Variants in EIF2AK3 observed in about 807,000 individuals in gnomAD.
EIF2AK3 encodes eukaryotic translation initiation factor 2 alpha kinase 3.
EIF2AK3 carries 50 observed loss-of-function variants against 113.5 expected under a neutral mutation model. That is an observed-to-expected ratio of 0.44 (90% CI 0.35 to 0.56). The LOEUF is 0.56. Ranked by LOEUF, EIF2AK3 falls within the 20% of genes least tolerant of loss-of-function variation. The pLI, the probability that EIF2AK3 is intolerant of heterozygous loss-of-function variation, is 0.00. For missense variants in EIF2AK3, 1,185 were observed against 1,378.0 expected, an observed-to-expected ratio of 0.86 and a Z score of 2.22; for synonymous variants, 448 against 495.4, an observed-to-expected ratio of 0.90 and a Z score of 1.27.
chr2:88,585,832 G>A lies in EIF2AK3; in HGVS notation c.1650+9C>T, dbSNP rs1307640164. The A allele has an allele frequency of 6.2e-7, 1 of 1,611,212 alleles. No individual in the cohort carries two copies. The highest frequency in any genetic ancestry group is 1.1e-5 in the South Asian group (1 of 90,936). On this transcript the variant is annotated intron_variant, in intron 9 of 16. Coordinates refer to ENST00000303236, the MANE Select transcript of EIF2AK3 (RefSeq NM_004836.7). ...TGGAAACCAGACAGTAAGCAACCAT[G>A]ATTCTTACCCTGTGAGGATGAGGAT...
chr2:88,558,761 T>C (rs1270060629), intron 16 of EIF2AK3, among the ~76,000 whole-genome samples, 156 bp downstream of exon 16: 1 of 152,192 alleles, frequency 6.6e-6, no homozygotes, highest in Non-Finnish European at 1.5e-5. Context: ...CAGTGTTTGG[T>C]TTTAACAAAT....
At position 88,594,849 on chromosome 2, in the gene EIF2AK3, AC is replaced by A. The variant is rs1411416678; in HGVS notation, c.633+619del. ...AAAATGTAAAAAAAAAAAAAAAAAA[AC>A]GAAAGTTACACTTAGGAAGACTGTG... On this transcript the variant is annotated intron_variant, in intron 3 of 16. Coordinates refer to ENST00000303236, the MANE Select transcript of EIF2AK3 (RefSeq NM_004836.7). Among the ~76,000 whole-genome samples the A allele has an allele frequency of 3.6e-3, 511 of 140,262 alleles. 2 individuals carry two copies. The highest frequency in any genetic ancestry group is 0.013 in the African/African-American group (486 of 36,738). The allele number at this position is 140,262 out of a possible 152,430, so 92.0% of individuals were successfully genotyped here. A position where few individuals can be genotyped will look rare whatever the true frequency, so the allele number is the denominator to read the frequency against.
At position 88,593,336 on chromosome 2, in the gene EIF2AK3, T is replaced by C. The variant is rs1674932081; in HGVS notation, c.703A>G (p.Ile235Val). 1.2e-6 allele frequency: 2 copies of C among 1,614,020 alleles called. No individual in the cohort carries two copies. Among genetic ancestry groups the C allele is most frequent in the Non-Finnish European group, 1.7e-6 (2 of 1,180,000 alleles). Reference sequence around the variant, plus strand: ...TTTTGGGTACGCTGTAGAAGCAGGATGTCTTCCTCTTGTTCCATTTCGTCA... The same window carrying C: ...TTTTGGGTACGCTGTAGAAGCAGGACGTCTTCCTCTTGTTCCATTTCGTCA... ...DSDEMEQEED[I>V]LLLQRTQKTV... Residue 235 changes from isoleucine to valine, a missense_variant, in exon 4 of 17, where the codon ATC becomes GTC. Physicochemically the swap from Ile to Val is conservative, Grantham distance 29 (BLOSUM62 3). Around this residue, in one of 3 missense-constraint regions of EIF2AK3, gnomAD observed 119 missense variants for 178.7 expected, o/e 0.67. Transcript: ENST00000303236.
At chr2:88,600,484 T>C (rs150618407) in intron 2 of EIF2AK3, among the ~76,000 whole-genome samples, 93 of 152,336 alleles carry the variant, frequency 6.1e-4, no homozygotes, top group Non-Finnish European at 1.1e-3. Flanking sequence ...GTGACTTGCT[T>C]CTCCCTTAAG....
chr2:88,567,862 ATATC>A (rs1286735499), intron 14 of EIF2AK3, among the ~76,000 whole-genome samples: 1 of 152,184 alleles, frequency 6.6e-6, no homozygotes, highest in Admixed American at 6.5e-5. Flanking sequence ...AAGCAAATGT[ATATC>A]TATCTTTTCC....
chr2:88,589,028 T>C (rs1164650638), intron 6 of EIF2AK3, 127 bp from the exon 7 acceptor site: 3 of 1,098,182 alleles, frequency 2.7e-6, no homozygotes, highest in Non-Finnish European at 3.9e-6. Context: ...AGAAGAAACA[T>C]GCTTGAAGCA....
chr2:88,622,243 A>AT (rs1168787765), intron 1 of EIF2AK3, among the ~76,000 whole-genome samples: 1 of 152,220 alleles, frequency 6.6e-6, no homozygotes. Flanking sequence ...ATAGAATGGA[A>AT]TTAAACACAC....
At chr2:88,584,455 T>G (rs1674669807) in intron 9 of EIF2AK3, among the ~76,000 whole-genome samples, 1 of 146,814 alleles carries the variant, frequency 6.8e-6, no homozygotes, top group African/African-American at 2.6e-5. Flanking sequence ...AGGCGGAGGT[T>G]GCAGTGAGCT....
At chr2:88,623,645 C>T (rs749379159) in intron 1 of EIF2AK3, among the ~76,000 whole-genome samples, 53 of 152,194 alleles carry the variant, frequency 3.5e-4, no homozygotes, top group Non-Finnish European at 3.8e-4. Flanking sequence ...TTGAAACAAA[C>T]AGAATTACCG....
intron 7 of EIF2AK3, 86 bp from the exon 8 acceptor site, chr2:88,588,190 G>T (rs931236675): frequency 1.2e-6 from 1 of 859,826 alleles, no homozygotes; most frequent in Non-Finnish European, 1.7e-6. Flanking sequence ...GTGCTTAATT[G>T]AATAAACTGA....
chr2:88,583,040 A>G (rs1674636965), intron 10 of EIF2AK3, among the ~76,000 whole-genome samples: 1 of 152,060 alleles, frequency 6.6e-6, no homozygotes, highest in South Asian at 2.1e-4. Context: ...TTTTTTCCCT[A>G]TATTTCTACT....
intron 13 of EIF2AK3, among the ~76,000 whole-genome samples, chr2:88,573,656 A>G (rs1674376443): frequency 6.6e-6 from 1 of 152,180 alleles, no homozygotes; most frequent in Non-Finnish European, 1.5e-5. Context: ...CTAAATAACA[A>G]TTATATTAAA....
chr2:88,582,538 G>C (rs992410851), intron 10 of EIF2AK3, among the ~76,000 whole-genome samples: 1 of 152,120 alleles, frequency 6.6e-6, no homozygotes, highest in Non-Finnish European at 1.5e-5. Context: ...GTGACCACAT[G>C]ACAGGTATCA....
intron 2 of EIF2AK3, among the ~76,000 whole-genome samples, chr2:88,600,436 T>G (rs1675123669): frequency 6.6e-6 from 1 of 152,234 alleles, no homozygotes; most frequent in Non-Finnish European, 1.5e-5. Context: ...AAGCAGCTAT[T>G]TGTTCTGATT....
intron 1 of EIF2AK3, among the ~76,000 whole-genome samples, chr2:88,615,203 C>T (rs1675540043): frequency 6.6e-6 from 1 of 152,232 alleles, no homozygotes; most frequent in Non-Finnish European, 1.5e-5. Context: ...ACTGTCCACA[C>T]TCCCATCTAC....
chr2:88,574,314 C>CA (rs1238337598), intron 13 of EIF2AK3, among the ~76,000 whole-genome samples: 5 of 152,302 alleles, frequency 3.3e-5, no homozygotes, highest in Non-Finnish European at 5.9e-5. Flanking sequence ...CATAGAAAAA[C>CA]AAAAACAAAC....
At chr2:88,563,477 T>C (rs1229400098) in intron 14 of EIF2AK3, among the ~76,000 whole-genome samples, 1 of 152,158 alleles carries the variant, frequency 6.6e-6, no homozygotes, top group Non-Finnish European at 1.5e-5. Flanking sequence ...ACAAATCTTA[T>C]AGGGGAACTG....
intron 1 of EIF2AK3, among the ~76,000 whole-genome samples, chr2:88,626,508 C>T (rs1675861529): frequency 6.6e-6 from 1 of 152,224 alleles, no homozygotes; most frequent in African/African-American, 2.4e-5. Context: ...TGATCTCAAT[C>T]CTTGTCCGGG....
At chr2:88,597,680 T>C (rs1356338994) in intron 2 of EIF2AK3, among the ~76,000 whole-genome samples, 1 of 152,190 alleles carries the variant, frequency 6.6e-6, no homozygotes, top group Non-Finnish European at 1.5e-5. Context: ...AAATCCTATC[T>C]AGCCTTCAAC....
Sources: gnomAD v4.1 joint callset for allele counts (sites outside exome capture counted in the v4.1 genomes callset) on GRCh38, gnomAD v4.1.1 for gene constraint, gnomAD v4.1.1 regional missense constraint, MANE v1.5 for transcripts, NCBI Gene and HGNC (gene_info 2026-07-23, HGNC 2026-07-21) for gene names.